The following CYP51A1 variants were observed in gnomAD, a reference collection of about 807,000 sequenced individuals.
CYP51A1 encodes cytochrome P450 family 51 subfamily A member 1.
Under a neutral mutation model 53.5 loss-of-function variants are expected in CYP51A1, and 45 were observed. The observed-to-expected ratio is 0.84, with a 90% CI of 0.66 to 1.08. The LOEUF (loss-of-function observed/expected upper bound fraction) is 1.08, where lower values mean the gene tolerates loss of function less well. CYP51A1 is among the 50% of genes least tolerant of loss of function. The probability of loss-of-function intolerance (pLI) is 0.00; values close to 1 mark genes in which losing one functional copy is unlikely to be tolerated. For missense variants in CYP51A1, 462 were observed against 621.7 expected, an observed-to-expected ratio of 0.74 and a Z score of 2.73; for synonymous variants, 181 against 217.7, an observed-to-expected ratio of 0.83 and a Z score of 1.48.
chr7:92,130,751 T>C (rs745472208), intron 2 of CYP51A1, among the ~76,000 whole-genome samples: 19 of 152,332 alleles, frequency 1.2e-4, no homozygotes, highest in Admixed American at 2.6e-4. Context: ...ACGTTTTTAA[T>C]CATTGTCTCC....
At chr7:92,120,847 G>T (rs1050326271) in intron 7 of CYP51A1, among the ~76,000 whole-genome samples, 8 of 151,854 alleles carry the variant, frequency 5.3e-5, no homozygotes, top group Non-Finnish European at 1.2e-4. Context: ...AAAAATAGAT[G>T]AACTCTTACA....
Position 92,113,554 on chromosome 7 carries a change from C to T in CYP51A1, c.*111G>A, listed in dbSNP as rs1819511416. 2.0e-6 allele frequency: 2 copies of T among 991,366 alleles called. No homozygotes were observed. Among genetic ancestry groups the T allele is most frequent in the South Asian group, 1.6e-5 (1 of 64,066 alleles). The allele number at this position is 991,366 out of a possible 1,614,324, so 61.4% of individuals were successfully genotyped here. A position where few individuals can be genotyped will look rare whatever the true frequency, so the allele number is the denominator to read the frequency against. On this transcript the variant is annotated 3_prime_UTR_variant, in exon 10 of 10. Coordinates refer to ENST00000003100, the MANE Select transcript of CYP51A1 (RefSeq NM_000786.4). ...AATCATAAACTGGCTTTTAGAATTACACACTTAAAAAAACAGTAAACTACA... is the reference window on the plus strand; with the variant it reads ...AATCATAAACTGGCTTTTAGAATTATACACTTAAAAAAACAGTAAACTACA...
intron 4 of CYP51A1, 47 bp from the exon 5 acceptor site, chr7:92,126,474 A>G (rs1377493605): frequency 1.3e-6 from 2 of 1,487,812 alleles, no homozygotes; most frequent in Non-Finnish European, 1.8e-6. Context: ...CCAAAAAGTG[A>G]AAGAAAATTG....
chr7:92,134,571 C>T (rs535747801), upstream of CYP51A1: 17 of 562,686 alleles, frequency 3.0e-5, no homozygotes, highest in South Asian at 3.3e-4. Flanking sequence ...TTAAATAACA[C>T]TCTGTGAAGC....
intron 7 of CYP51A1, among the ~76,000 whole-genome samples, chr7:92,119,331 T>TA (rs1819639524): frequency 6.6e-6 from 1 of 152,164 alleles, no homozygotes; most frequent in African/African-American, 2.4e-5. Context: ...AGGTAAGATC[T>TA]AAGAGGCTGT....
chr7:92,121,018 G>C (rs1819681009), intron 7 of CYP51A1, among the ~76,000 whole-genome samples: 1 of 152,134 alleles, frequency 6.6e-6, no homozygotes, highest in Admixed American at 6.5e-5. Context: ...AACTGGGCAT[G>C]GTGGCTCACA....
intron 1 of CYP51A1, among the ~76,000 whole-genome samples, chr7:92,133,825 C>T (rs1819975660): frequency 6.6e-6 from 1 of 152,200 alleles, no homozygotes; most frequent in Admixed American, 6.5e-5. Flanking sequence ...ATCCAGCCAC[C>T]GCCACTAGGG....
At chr7:92,115,721 A>C (rs191523300) in intron 9 of CYP51A1, among the ~76,000 whole-genome samples, 1 of 152,384 alleles carries the variant, frequency 6.6e-6, no homozygotes, top group East Asian at 1.9e-4. Context: ...TACCTCATAC[A>C]ATATAAGTTC....
At chr7:92,131,571 C>T (rs1819918578) in intron 2 of CYP51A1, among the ~76,000 whole-genome samples, 1 of 152,092 alleles carries the variant, frequency 6.6e-6, no homozygotes, top group Non-Finnish European at 1.5e-5. Flanking sequence ...CAAAGACGAC[C>T]CCAGGACATG....
intron 1 of CYP51A1, among the ~76,000 whole-genome samples, chr7:92,133,524 C>G (rs559692932): frequency 1.3e-5 from 2 of 152,342 alleles, no homozygotes; most frequent in East Asian, 3.9e-4. Flanking sequence ...GCTTCGGCCT[C>G]CCGAAGTGCT....
chr7:92,132,476 T>C (rs1433504652), intron 1 of CYP51A1, among the ~76,000 whole-genome samples: 1 of 148,960 alleles, frequency 6.7e-6, no homozygotes, highest in Admixed American at 6.7e-5. Flanking sequence ...TTATTTTGTA[T>C]TGGGTTTTTT....
intron 4 of CYP51A1, 50 bp from the exon 5 acceptor site, chr7:92,126,477 G>A (rs748265470): frequency 1.4e-6 from 2 of 1,453,794 alleles, no homozygotes; most frequent in South Asian, 2.7e-5. Context: ...AAAAGTGAAA[G>A]AAAATTGAGA....
intron 2 of CYP51A1, among the ~76,000 whole-genome samples, chr7:92,131,375 G>A (rs530522641): frequency 3.9e-5 from 6 of 152,334 alleles, no homozygotes; most frequent in Non-Finnish European, 8.8e-5. Context: ...TGTCATGTGG[G>A]TCATTCAAGT....
In CYP51A1 at chr7:92,126,241, C is replaced by T. The variant is rs1409413146; in HGVS notation, c.770+12G>A. 1 of 1,581,892 alleles carries T rather than the reference C, an allele frequency of 6.3e-7. No individual in the cohort carries two copies. Among genetic ancestry groups the T allele is most frequent in the South Asian group, 1.2e-5 (1 of 85,536 alleles). On this transcript the variant is annotated intron_variant, in intron 5 of 9. Transcript: ENST00000003100. ...GTTAAATAACCTAGTGTAATATATTCTTTATCCATACCTGAAACTAGGCAA... is the reference window on the plus strand; with the variant it reads ...GTTAAATAACCTAGTGTAATATATTTTTTATCCATACCTGAAACTAGGCAA...
At chr7:92,130,291 G>GTAA (rs1003566976) in intron 2 of CYP51A1, among the ~76,000 whole-genome samples, 1 of 152,006 alleles carries the variant, frequency 6.6e-6, no homozygotes, top group Non-Finnish European at 1.5e-5. Flanking sequence ...CTATAAAATG[G>GTAA]TAATAATAAT....
intron 9 of CYP51A1, 109 bp downstream of exon 9, chr7:92,116,935 C>G: frequency 8.8e-7 from 1 of 1,139,088 alleles, no homozygotes. Flanking sequence ...GCAAAAATGT[C>G]CCTATGAGGA....
intron 6 of CYP51A1, 97 bp downstream of exon 6, chr7:92,123,637 G>C (rs1584634257): frequency 8.5e-7 from 1 of 1,174,826 alleles, no homozygotes; most frequent in African/African-American, 1.6e-5. Context: ...AACTTATTTT[G>C]CCAGCATCAC....
At chr7:92,128,467 T>TGTGTGTGTGTGC (rs1819850269) in intron 3 of CYP51A1, among the ~76,000 whole-genome samples, 1 of 150,334 alleles carries the variant, frequency 6.7e-6, no homozygotes, top group African/African-American at 2.4e-5. Context: ...CGCGTGCGTG[T>TGTGTGTGTGTGC]GTGTGTGTGT....
chr7:92,122,546 C>A (rs1358523981), intron 7 of CYP51A1, among the ~76,000 whole-genome samples: 1 of 152,120 alleles, frequency 6.6e-6, no homozygotes, highest in East Asian at 1.9e-4. Context: ...ATCTGAAAAT[C>A]AGTGTAATGT....
Sources: allele counts gnomAD v4.1 joint callset (sites outside exome capture counted in the v4.1 genomes callset), GRCh38; gene constraint gnomAD v4.1.1; transcripts MANE v1.5; gene names NCBI Gene and HGNC (gene_info 2026-07-23, HGNC 2026-07-21).